The following FER variants were observed in gnomAD, a reference collection of about 807,000 sequenced individuals.
FER encodes FER tyrosine kinase.
FER carries 63 observed loss-of-function variants against 111.0 expected under a neutral mutation model. The observed-to-expected ratio is 0.57, with a 90% CI of 0.46 to 0.70. The LOEUF is 0.70. Ranked by LOEUF, FER falls within the 30% of genes least tolerant of loss-of-function variation. The pLI, the probability that FER is intolerant of heterozygous loss-of-function variation, is 0.00. For missense variants in FER, 914 were observed against 954.0 expected (o/e 0.96, Z 0.55); for synonymous variants, 327 against 313.9 (o/e 1.04, Z -0.44).
chr5:108,911,621 A>G (rs1472848999), intron 10 of FER, among the ~76,000 whole-genome samples: 1 of 152,082 alleles, frequency 6.6e-6, no homozygotes, highest in East Asian at 1.9e-4. Flanking sequence ...TCTTTAATCC[A>G]TCTCGAGTTA....
chr5:108,749,316 A>C (rs2149894244), intron 1 of FER, among the ~76,000 whole-genome samples: 1 of 151,614 alleles, frequency 6.6e-6, no homozygotes, highest in East Asian at 2.0e-4. Context: ...CGGGACCCGA[A>C]GGCTGAGGGG....
intron 8 of FER, among the ~76,000 whole-genome samples, chr5:108,872,804 G>A (rs1316828890): frequency 3.3e-5 from 5 of 152,134 alleles, no homozygotes; most frequent in Admixed American, 2.0e-4. Flanking sequence ...AACATAAGGT[G>A]CTCTACTTCT....
At chr5:109,139,381 C>T (rs1383681079) in intron 17 of FER, among the ~76,000 whole-genome samples, 4 of 125,180 alleles carry the variant, frequency 3.2e-5, no homozygotes, top group Admixed American at 8.8e-5. Context: ...GGCAGAGTCT[C>T]GCTCTGTTGC....
chr5:109,148,862 G>A (rs1754517030), intron 17 of FER, among the ~76,000 whole-genome samples: 1 of 152,142 alleles, frequency 6.6e-6, no homozygotes, highest in South Asian at 2.1e-4. Context: ...GAGTGTGTAA[G>A]ATGGTCTTGG....
intron 13 of FER, among the ~76,000 whole-genome samples, chr5:108,971,348 A>ACATCT (rs1760645339): frequency 6.6e-6 from 1 of 151,422 alleles, no homozygotes; most frequent in Admixed American, 6.6e-5. Context: ...AAGTAATGGT[A>ACATCT]GGAATTCAGA....
chr5:109,147,186 AT>A (rs1754319049), intron 17 of FER, among the ~76,000 whole-genome samples: 1 of 151,972 alleles, frequency 6.6e-6, no homozygotes, highest in South Asian at 2.1e-4. Flanking sequence ...CATTTAAAAA[AT>A]GTTAAAATTG....
At chr5:108,918,611 C>T (rs1204803834) in intron 10 of FER, among the ~76,000 whole-genome samples, 1 of 151,816 alleles carries the variant, frequency 6.6e-6, no homozygotes, top group African/African-American at 2.4e-5. Flanking sequence ...CTCAGCCTCC[C>T]GAGTAGCTGG....
chr5:108,764,745 T>C (rs1580416216), intron 1 of FER, among the ~76,000 whole-genome samples: 1 of 152,206 alleles, frequency 6.6e-6, no homozygotes. Flanking sequence ...AAATTCTTTG[T>C]TTAAAATAAA....
At chr5:108,775,397 C>T (rs1478726593) in intron 2 of FER, among the ~76,000 whole-genome samples, 2 of 152,092 alleles carry the variant, frequency 1.3e-5, no homozygotes, top group African/African-American at 2.4e-5. Flanking sequence ...GTATCCCTTA[C>T]GATTATCTGT....
intron 9 of FER, chr5:108,894,510 G>A: frequency 2.5e-6 from 1 of 398,180 alleles, no homozygotes; most frequent in Admixed American, 2.7e-5. Context: ...ACTGATATTA[G>A]TTAGTTTGAT....
chr5:108,976,410 G>T (rs1175633268), intron 13 of FER, among the ~76,000 whole-genome samples: 1 of 152,024 alleles, frequency 6.6e-6, no homozygotes, highest in South Asian at 2.1e-4. Flanking sequence ...TCTCATCAAG[G>T]TTTTCTAAGG....
At chr5:109,052,198 A>T in intron 16 of FER, 1 of 1,607,320 alleles carries the variant, frequency 6.2e-7, no homozygotes, top group Non-Finnish European at 8.5e-7. Flanking sequence ...GAGTATGGGT[A>T]CAGACACAAA....
At chr5:108,784,965 T>G in intron 2 of FER, 1 of 225,120 alleles carries the variant, frequency 4.4e-6, no homozygotes, top group Non-Finnish European at 8.9e-6. Flanking sequence ...TGGCCAGTTT[T>G]GGGGCCAGTT....
intron 9 of FER, among the ~76,000 whole-genome samples, chr5:108,887,503 G>A (rs1419550230): frequency 6.6e-6 from 1 of 151,468 alleles, no homozygotes; most frequent in Non-Finnish European, 1.5e-5. Context: ...TTGAAATGTA[G>A]CTATCGCAGA....
At chr5:109,139,961 A>G (rs915137586) in intron 17 of FER, among the ~76,000 whole-genome samples, 2 of 152,232 alleles carry the variant, frequency 1.3e-5, no homozygotes, top group African/African-American at 4.8e-5. Context: ...TTATTGAACC[A>G]TATCAGAAAT....
chr5:108,947,231 A>G (rs1055394682), intron 11 of FER, among the ~76,000 whole-genome samples: 1 of 152,034 alleles, frequency 6.6e-6, no homozygotes, highest in Non-Finnish European at 1.5e-5. Context: ...TTTCTGGGTT[A>G]TATGGTAATA....
intron 17 of FER, among the ~76,000 whole-genome samples, chr5:109,160,899 G>T (rs1582319159): frequency 6.6e-6 from 1 of 152,144 alleles, no homozygotes; most frequent in East Asian, 1.9e-4. Context: ...GAATCTGAAA[G>T]ACTGATGACG....
chr5:109,067,975 C>T (rs767279516), intron 16 of FER, among the ~76,000 whole-genome samples: 15 of 151,928 alleles, frequency 9.9e-5, no homozygotes, highest in African/African-American at 1.4e-4. Context: ...CACATCTAGC[C>T]GTAATCATAG....
At chr5:109,145,911 C>T (rs1362714214) in intron 17 of FER, among the ~76,000 whole-genome samples, 1 of 150,042 alleles carries the variant, frequency 6.7e-6, no homozygotes, top group Admixed American at 6.7e-5. Flanking sequence ...AATTTATAAG[C>T]TGTATGTTAT....
Sources: gnomAD v4.1 joint callset for allele counts (sites outside exome capture counted in the v4.1 genomes callset) on GRCh38, gnomAD v4.1.1 for gene constraint, MANE v1.5 for transcripts, NCBI Gene and HGNC (gene_info 2026-07-23, HGNC 2026-07-21) for gene names.